CACNB4: variants seen among roughly 807,000 people sequenced by gnomAD.
CACNB4 encodes the protein voltage-dependent L-type calcium channel subunit beta-4.
CACNB4 carries 32 observed loss-of-function variants against 71.2 expected under a neutral mutation model. The observed-to-expected ratio is 0.45, with a 90% CI of 0.34 to 0.60. The LOEUF (loss-of-function observed/expected upper bound fraction) is 0.60, where lower values mean the gene tolerates loss of function less well. CACNB4 is among the 20% of genes least tolerant of loss of function. The pLI is 0.01. For missense variants in CACNB4, 464 were observed against 647.9 expected (o/e 0.72, Z 3.08); for synonymous variants, 231 against 236.9 (o/e 0.97, Z 0.23).
intron 4 of CACNB4, chr2:151,880,537 G>A: frequency 2.2e-6 from 1 of 453,026 alleles, no homozygotes; most frequent in Non-Finnish European, 3.9e-6. Flanking sequence ...AAGGTGCCCA[G>A]AGGACCATAG....
At chr2:151,985,202 T>C (rs2151754841) in intron 2 of CACNB4, among the ~76,000 whole-genome samples, 1 of 152,354 alleles carries the variant, frequency 6.6e-6, no homozygotes, top group Middle Eastern at 3.4e-3. Context: ...AATATTTTGG[T>C]GTTTTTCTAT....
intron 9 of CACNB4, among the ~76,000 whole-genome samples, chr2:151,863,805 T>G (rs1488833113): frequency 2.0e-5 from 3 of 152,214 alleles, no homozygotes; most frequent in Non-Finnish European, 4.4e-5. Context: ...TTTTCTCATT[T>G]TATTTGCTAA....
chr2:151,875,576 A>T (rs1471142689), intron 5 of CACNB4, among the ~76,000 whole-genome samples: 2 of 148,740 alleles, frequency 1.3e-5, no homozygotes, highest in African/African-American at 2.5e-5. Flanking sequence ...GCGGCCGGGC[A>T]GAGGCGCCCC....
intron 5 of CACNB4, among the ~76,000 whole-genome samples, chr2:151,875,185 G>C (rs1004985892): frequency 6.7e-6 from 1 of 148,330 alleles, no homozygotes; most frequent in African/African-American, 2.5e-5. Context: ...ATTAGGGAGT[G>C]GTGATGACTC....
At chr2:152,090,410 T>C (rs1052322149) in intron 2 of CACNB4, among the ~76,000 whole-genome samples, 1 of 152,156 alleles carries the variant, frequency 6.6e-6, no homozygotes, top group African/African-American at 2.4e-5. Context: ...TCCCAGCACT[T>C]TGGGAGGCCG....
chr2:151,973,799 C>G, intron 2 of CACNB4: 3 of 1,552,418 alleles, frequency 1.9e-6, no homozygotes, highest in Non-Finnish European at 2.6e-6. Context: ...GAGAAAAGGC[C>G]TGTTTGGGAG....
intron 2 of CACNB4, among the ~76,000 whole-genome samples, chr2:152,040,688 G>C (rs1325059121): frequency 2.0e-5 from 3 of 152,108 alleles, no homozygotes; most frequent in Non-Finnish European, 4.4e-5. Flanking sequence ...TGATACACTC[G>C]CCTCGGCCTC....
intron 2 of CACNB4, among the ~76,000 whole-genome samples, chr2:151,925,670 T>C (rs928581057): frequency 1.1e-4 from 13 of 117,600 alleles, no homozygotes; most frequent in Non-Finnish European, 2.1e-4. Context: ...CATCCAAATA[T>C]AGGGATAGAA....
intron 2 of CACNB4, among the ~76,000 whole-genome samples, chr2:151,977,085 C>T (rs1036596404): frequency 1.3e-5 from 2 of 152,198 alleles, no homozygotes; most frequent in African/African-American, 2.4e-5. Context: ...GTTTGAAAAC[C>T]TTGGGGCTCA....
At chr2:151,985,267 C>A (rs978660199) in intron 2 of CACNB4, among the ~76,000 whole-genome samples, 1 of 152,106 alleles carries the variant, frequency 6.6e-6, no homozygotes, top group African/African-American at 2.4e-5. Flanking sequence ...CTTTTGCATT[C>A]TCTTAGCAGT....
intron 2 of CACNB4, among the ~76,000 whole-genome samples, chr2:151,931,777 G>A (rs538885824): frequency 3.0e-4 from 45 of 152,178 alleles, no homozygotes; most frequent in East Asian, 2.9e-3. Context: ...AAACAAAAAA[G>A]ATGAGTTCTA....
At chr2:151,897,270 C>G (rs757320880) in intron 2 of CACNB4, among the ~76,000 whole-genome samples, 1 of 152,176 alleles carries the variant, frequency 6.6e-6, no homozygotes, top group Non-Finnish European at 1.5e-5. Context: ...CTCTAAGATT[C>G]CTCTGAGGTC....
chr2:151,841,556 C>A (rs1298438713), intron 13 of CACNB4: 3 of 239,534 alleles, frequency 1.3e-5, no homozygotes, highest in Non-Finnish European at 1.6e-5. Flanking sequence ...TCACTGCATT[C>A]CAGCCTGAAC....
chr2:151,875,823 G>A (rs369770902), intron 5 of CACNB4, among the ~76,000 whole-genome samples: 3,070 of 119,152 alleles, frequency 0.026, 161 homozygotes, highest in African/African-American at 0.039. Flanking sequence ...CCTCCCGGAC[G>A]GGGCGTCTCG....
At chr2:152,093,349 C>A (rs1449304209) in intron 2 of CACNB4, among the ~76,000 whole-genome samples, 1 of 151,668 alleles carries the variant, frequency 6.6e-6, no homozygotes, top group East Asian at 1.9e-4. Context: ...ATTGAATAAT[C>A]TTTACATTCC....
At chr2:151,980,002 C>T (rs888782331) in intron 2 of CACNB4, among the ~76,000 whole-genome samples, 1 of 152,166 alleles carries the variant, frequency 6.6e-6, no homozygotes, top group African/African-American at 2.4e-5. Context: ...GGTGGGACTC[C>T]TTCAGTTCCA....
chr2:151,971,458 T>C lies in CACNB4; in HGVS notation c.148-88088A>G. The stretch of plus-strand genomic sequence containing the variant: ...TGCCTATATATTCTCGGACTGCAGC[T>C]AGCCATCTGAGAAAAGCCTTTCCAC... On this transcript the variant is annotated intron_variant, in intron 2 of 13. Coordinates refer to ENST00000539935, the MANE Select transcript of CACNB4 (RefSeq NM_000726.5). 3 of 702,098 alleles carry C rather than the reference T, an allele frequency of 4.3e-6. No individual in the cohort carries two copies. In the South Asian group the frequency reaches 4.4e-5, roughly 10 times the overall value. The allele number at this position is 702,098 out of a possible 1,614,324, so 43.5% of individuals were successfully genotyped here.
At chr2:152,072,804 C>T (rs973517623) in intron 2 of CACNB4, among the ~76,000 whole-genome samples, 1 of 149,994 alleles carries the variant, frequency 6.7e-6, no homozygotes, top group East Asian at 1.9e-4. Flanking sequence ...CCAGGCCCAG[C>T]TGATTTTTTT....
At chr2:152,022,257 T>C (rs1435970002) in intron 2 of CACNB4, among the ~76,000 whole-genome samples, 1 of 152,200 alleles carries the variant, frequency 6.6e-6, no homozygotes, top group African/African-American at 2.4e-5. Flanking sequence ...TTGTTTACTG[T>C]TCACCATTCA....
Sources: gnomAD v4.1 joint callset for allele counts (sites outside exome capture counted in the v4.1 genomes callset) on GRCh38, gnomAD v4.1.1 for gene constraint, MANE v1.5 for transcripts, NCBI Gene and HGNC (gene_info 2026-07-23, HGNC 2026-07-21) for gene names.